GGNBP2: variants seen among roughly 807,000 people sequenced by gnomAD.
GGNBP2 encodes gametogenetin binding protein 2.
In GGNBP2, 10 loss-of-function variants were observed where a neutral mutation model predicts 85.9. The ratio of observed to expected loss-of-function variants is 0.12; its 90% CI spans 0.07 to 0.20. The LOEUF is 0.20. Ranked by LOEUF, GGNBP2 falls within the 10% of genes least tolerant of loss-of-function variation. The probability of loss-of-function intolerance (pLI) is 1.00; values close to 1 mark genes in which losing one functional copy is unlikely to be tolerated. For missense variants in GGNBP2, 595 were observed against 857.8 expected (o/e 0.69, Z 3.83); for synonymous variants, 287 against 285.7 (o/e 1.00, Z -0.05).
At chr17:36,578,303 T>G in intron 7 of GGNBP2, 117 bp downstream of exon 7, 1 of 744,284 alleles carries the variant, frequency 1.3e-6, no homozygotes, top group South Asian at 2.0e-5. Context: ...TAAATTAAAG[T>G]ATGCCTGTAA....
chr17:36,567,873 C>G lies in GGNBP2; in HGVS notation c.641+97C>G. 4 of 600,944 alleles carry G rather than the reference C, an allele frequency of 6.7e-6. No individual in the cohort carries two copies. In the Middle Eastern group the frequency reaches 7.9e-4, roughly 119 times the overall value. The allele number at this position is 600,944 out of a possible 1,614,324, so 37.2% of individuals were successfully genotyped here. ...CTGAACTCCTTTGTATAATAGCATT[C>G]TAGCCTTCCCTTTAATACTTGGCAC... On this transcript the variant is annotated intron_variant, in intron 6 of 13. Transcript: ENST00000613102.
rs34799358 is a variant in GGNBP2 at position 36,562,953 on chromosome 17, CAAAAAAAAAAAAAAAAAAAAA to C, written c.527+2092_527+2112del. Among the ~76,000 whole-genome samples, 5 of 40,544 alleles carry C rather than the reference CAAAAAAAAAAAAAAAAAAAAA, an allele frequency of 1.2e-4. No individual in the cohort carries two copies. The East Asian group carries it at 3.5e-3, about 28-fold the overall frequency. 26.6% of individuals were successfully genotyped at this position (40,544 alleles called of 152,430 possible). ...TGGGCGACAGAGCGAGACTCTGTCT[CAAAAAAAAAAAAAAAAAAAAA>C]AAAAAAAAAGGCTGGGCGTGGTGGC... On this transcript the variant is annotated intron_variant, in intron 5 of 13. Coordinates refer to ENST00000613102, the MANE Select transcript of GGNBP2 (RefSeq NM_024835.5).
At chr17:36,545,597 T>C in intron 1 of GGNBP2, 22 bp from the exon 2 acceptor site, 1 of 690,184 alleles carries the variant, frequency 1.4e-6, no homozygotes, top group Non-Finnish European at 2.5e-6. Context: ...GTGCTTACGC[T>C]CGCGGGGTTT....
chr17:36,566,003 T>C (rs147358708), intron 5 of GGNBP2, among the ~76,000 whole-genome samples: 1 of 152,330 alleles, frequency 6.6e-6, no homozygotes, highest in East Asian at 1.9e-4. Context: ...CCTGAGCCCT[T>C]GTGAGAGGGA....
chr17:36,561,482 CATT>C (rs1567822103), intron 5 of GGNBP2, among the ~76,000 whole-genome samples: 1 of 151,962 alleles, frequency 6.6e-6, no homozygotes, highest in Non-Finnish European at 1.5e-5. Context: ...TAGTGGTAAT[CATT>C]ATTTGATCTA....
intron 13 of GGNBP2, among the ~76,000 whole-genome samples, chr17:36,588,576 T>C (rs1405134422): frequency 6.6e-6 from 1 of 151,568 alleles, no homozygotes; most frequent in Non-Finnish European, 1.5e-5. Flanking sequence ...TTTTTTATGG[T>C]TGTAAAGTTT....
intron 6 of GGNBP2, among the ~76,000 whole-genome samples, chr17:36,572,216 G>C (rs1236872301): frequency 1.3e-5 from 2 of 152,058 alleles, no homozygotes; most frequent in Non-Finnish European, 2.9e-5. Flanking sequence ...CAGTAAAATA[G>C]GGGGAAAATA....
Position 36,577,624 on chromosome 17 carries a change from G to T in GGNBP2, c.642-359G>T, listed in dbSNP as rs967114072. The T allele has an allele frequency of 9.6e-5, 27 of 280,060 alleles. No homozygotes were observed. In the Admixed American group the frequency reaches 1.2e-3, roughly 12 times the overall value. 17.3% of individuals were successfully genotyped at this position (280,060 alleles called of 1,614,324 possible). ...ACCAATCAAGAGTCATTGGTTTGTT[G>T]CCTCTATTGTTTTATTTCTGACCTG... On this transcript the variant is annotated intron_variant, in intron 6 of 13. Coordinates refer to ENST00000613102, the MANE Select transcript of GGNBP2 (RefSeq NM_024835.5).
chr17:36,575,183 C>T (rs952323568), intron 6 of GGNBP2: 1 of 646,978 alleles, frequency 1.5e-6, no homozygotes, highest in South Asian at 1.7e-5. Flanking sequence ...CTCGGCCTTG[C>T]CTCCATGAGC....
At chr17:36,552,478 T>C (rs149117222) in intron 2 of GGNBP2, among the ~76,000 whole-genome samples, 1 of 152,346 alleles carries the variant, frequency 6.6e-6, no homozygotes, top group African/African-American at 2.4e-5. Flanking sequence ...AGCATTAAAA[T>C]AGACCATTGA....
chr17:36,558,729 T>A (rs1406648692), intron 4 of GGNBP2, among the ~76,000 whole-genome samples: 1 of 151,682 alleles, frequency 6.6e-6, no homozygotes, highest in Non-Finnish European at 1.5e-5. Flanking sequence ...GTGCTCGGAT[T>A]ACAGGCGTGA....
intron 10 of GGNBP2, 36 bp from the exon 11 acceptor site, chr17:36,585,804 T>G (rs1380329493): frequency 6.3e-7 from 1 of 1,583,396 alleles, no homozygotes; most frequent in Non-Finnish European, 8.7e-7. Flanking sequence ...TACTTATTGG[T>G]ATGTTAATAG....
intron 2 of GGNBP2, among the ~76,000 whole-genome samples, chr17:36,548,508 A>G (rs1395209489): frequency 1.3e-5 from 2 of 149,694 alleles, no homozygotes; most frequent in African/African-American, 4.9e-5. Context: ...CCAGCTACTC[A>G]GGAGGCTGAG....
intron 6 of GGNBP2, among the ~76,000 whole-genome samples, chr17:36,571,561 G>C (rs1429170748): frequency 6.6e-6 from 1 of 152,012 alleles, no homozygotes; most frequent in Non-Finnish European, 1.5e-5. Flanking sequence ...AAAAAAACAG[G>C]CCGGGTGCCA....
chr17:36,582,106 T>C (rs1239116785), intron 9 of GGNBP2: 1 of 152,204 alleles, frequency 6.6e-6, no homozygotes, highest in African/African-American at 2.4e-5. Context: ...CTCCAGCTTG[T>C]GGGCTCAAGC....
At chr17:36,556,975 C>A (rs2074368197) in intron 3 of GGNBP2, 108 bp from the exon 4 acceptor site, 5 of 1,327,394 alleles carry the variant, frequency 3.8e-6, no homozygotes, top group Non-Finnish European at 5.3e-6. Context: ...AGCTGGTAAA[C>A]CCTGGCCAGG....
Position 36,557,333 on chromosome 17 carries a change from A to G in GGNBP2, c.425A>G (p.His142Arg), listed in dbSNP as rs1207867678. ...AAGCTTTATACATTATTTTATGTAC[A>G]TGGGTAAGTATAATCAATTAGGAGA... ...AKKLYTLFYVHGSKLNDMIDA... is the reference protein window; with the variant it reads ...AKKLYTLFYVRGSKLNDMIDA... The change falls in exon 4 of 14, where the codon CAT becomes CGT. Residue 142 changes from histidine (H) to arginine (R), a missense_variant. By Grantham distance (29) the His-to-Arg change is conservative. Coordinates refer to ENST00000613102, the MANE Select transcript of GGNBP2 (RefSeq NM_024835.5). 6.2e-7 allele frequency: 1 copy of G among 1,611,544 alleles called. No individual in the cohort carries two copies. Among genetic ancestry groups the G allele is most frequent in the African/African-American group, 1.3e-5 (1 of 74,840 alleles).
chr17:36,550,392 C>T (rs1377770007), intron 2 of GGNBP2, among the ~76,000 whole-genome samples: 2 of 151,826 alleles, frequency 1.3e-5, no homozygotes, highest in Admixed American at 1.3e-4. Context: ...ATGTCTTACA[C>T]TTTAAAAAAA....
At position 36,586,083 on chromosome 17, in the gene GGNBP2, A is replaced by G. The variant is rs1231912269; in HGVS notation, c.1526A>G (p.Lys509Arg). Residue 509 changes from lysine (K) to arginine (R), a missense_variant, in exon 12 of 14, where the codon AAA becomes AGA. This residue lies in a region of GGNBP2 where 35 missense variants were observed against 49.6 expected (regional missense o/e 0.71). Transcript: ENST00000613102. ...TCTTGTGTTCATCACTGTGAAGACA[A>G]AGAGGATGATGGTGATAGTTGTGTT... is the stretch of plus-strand genomic sequence containing the variant. ...DDSCVHHCED[K>R]EDDGDSCVEC... The G allele has an allele frequency of 6.8e-6, 11 of 1,614,098 alleles. No homozygotes were observed. The highest frequency in any genetic ancestry group is 9.3e-6 in the Non-Finnish European group (11 of 1,180,042).
Sources: allele counts gnomAD v4.1 joint callset (sites outside exome capture counted in the v4.1 genomes callset), GRCh38; gene constraint gnomAD v4.1.1; regional missense constraint gnomAD v4.1.1; transcripts MANE v1.5; gene names NCBI Gene and HGNC (gene_info 2026-07-23, HGNC 2026-07-21).